Variants in CUL5 observed in about 807,000 individuals in gnomAD.
CUL5 encodes the protein cullin 5.
A neutral mutation model predicts 108.8 loss-of-function variants in CUL5; 26 were observed. The observed-to-expected ratio is 0.24, with a 90% CI of 0.18 to 0.33. CUL5 has a LOEUF of 0.33. CUL5 is among the 10% of genes least tolerant of loss of function. The probability of loss-of-function intolerance (pLI) is 1.00; values close to 1 mark genes in which losing one functional copy is unlikely to be tolerated. For synonymous variants in CUL5, 334 were observed against 298.0 expected (o/e 1.12, Z -1.25); for missense variants, 524 against 909.2 (o/e 0.58, Z 5.45).
chr11:108,012,089 C>T (rs1423821539), intron 1 of CUL5, among the ~76,000 whole-genome samples: 3 of 152,144 alleles, frequency 2.0e-5, no homozygotes, highest in Non-Finnish European at 4.4e-5. Context: ...TCTCTGAAAA[C>T]CTTTCCATGT....
chr11:108,039,144 C>G (rs899461238), intron 2 of CUL5, among the ~76,000 whole-genome samples: 1 of 152,118 alleles, frequency 6.6e-6, no homozygotes, highest in Non-Finnish European at 1.5e-5. Context: ...CTTCAGCCTC[C>G]CAAGTAGCTG....
At chr11:108,086,589 GAA>G (rs1864227454) in intron 11 of CUL5, among the ~76,000 whole-genome samples, 1 of 152,182 alleles carries the variant, frequency 6.6e-6, no homozygotes, top group Non-Finnish European at 1.5e-5. Context: ...AGGGAATACA[GAA>G]AGACTTCCCT....
chr11:108,098,313 T>G, intron 17 of CUL5, 93 bp from the exon 18 acceptor site: 1 of 1,140,984 alleles, frequency 8.8e-7, no homozygotes, highest in East Asian at 2.6e-5. Context: ...TATTTTAGCA[T>G]ATTTTTAAAT....
At chr11:108,085,893 C>T (rs1415355598) in intron 11 of CUL5, among the ~76,000 whole-genome samples, 1 of 151,976 alleles carries the variant, frequency 6.6e-6, no homozygotes, top group East Asian at 1.9e-4. Flanking sequence ...ATTACGCAAC[C>T]CTCTGAATAT....
chr11:108,051,046 G>T (rs1863207172), intron 4 of CUL5, among the ~76,000 whole-genome samples: 1 of 152,090 alleles, frequency 6.6e-6, no homozygotes, highest in Non-Finnish European at 1.5e-5. Context: ...TACTGTGATG[G>T]TTACAGTAAA....
Position 108,022,182 on chromosome 11 carries a change from A to G in CUL5, c.25-11620A>G, listed in dbSNP as rs1862342922. Among the ~76,000 whole-genome samples the G allele has an allele frequency of 3.9e-5, 6 of 152,206 alleles. No homozygotes were observed. The South Asian group carries it at 1.2e-3, about 32-fold the overall frequency. ...AAAATATTGCCATAATATTGTTTCT[A>G]TAATTTGATGTGGTATGTTTTGTCC... On this transcript the variant is annotated intron_variant, in intron 1 of 18. Transcript: ENST00000393094.
chr11:108,076,875 C>T (rs564613950), intron 10 of CUL5, among the ~76,000 whole-genome samples: 64 of 152,214 alleles, frequency 4.2e-4, no homozygotes, highest in African/African-American at 1.5e-3. Context: ...ATGTTCACTG[C>T]GATAGGGAAG....
chr11:108,013,659 C>T (rs193042385), intron 1 of CUL5, among the ~76,000 whole-genome samples: 36 of 152,206 alleles, frequency 2.4e-4, no homozygotes, highest in African/African-American at 3.6e-4. Context: ...AGTATATAAC[C>T]GAACCACAAG....
chr11:108,042,218 C>CTTTTTTTTTTTTTTTTTTTT (rs11440201), intron 2 of CUL5, among the ~76,000 whole-genome samples: 1 of 124,096 alleles, frequency 8.1e-6, no homozygotes, highest in Non-Finnish European at 1.6e-5. Context: ...ATCCACAATT[C>CTTTTTTTTTTTTTTTTTTTT]TTTTTTTTTT....
At chr11:108,069,280 C>CA (rs751412096) in intron 7 of CUL5, among the ~76,000 whole-genome samples, 3 of 151,902 alleles carry the variant, frequency 2.0e-5, no homozygotes, top group Non-Finnish European at 4.4e-5. Flanking sequence ...CTTAAACAAA[C>CA]AAAAAAACCT....
At chr11:108,028,609 CG>C (rs907251227) in intron 1 of CUL5, among the ~76,000 whole-genome samples, 1 of 152,070 alleles carries the variant, frequency 6.6e-6, no homozygotes, top group African/African-American at 2.4e-5. Context: ...GAGGCCGAAG[CG>C]GGCGGATCAC....
At chr11:108,085,498 G>C (rs544123013) in intron 11 of CUL5, among the ~76,000 whole-genome samples, 3 of 152,150 alleles carry the variant, frequency 2.0e-5, no homozygotes, top group Non-Finnish European at 4.4e-5. Context: ...TCTAGAAATA[G>C]ATAGCGGTGA....
chr11:108,013,283 A>G (rs1862097462), intron 1 of CUL5, among the ~76,000 whole-genome samples: 1 of 151,658 alleles, frequency 6.6e-6, no homozygotes, highest in South Asian at 2.1e-4. Context: ...GCCCTTTTCT[A>G]TCTTTGTATA....
At chr11:108,091,379 A>G (rs1166791951) in intron 13 of CUL5, among the ~76,000 whole-genome samples, 1 of 149,100 alleles carries the variant, frequency 6.7e-6, no homozygotes, top group East Asian at 2.0e-4. Context: ...AAAAAAAAAT[A>G]TCAAGACCCA....
chr11:108,038,942 C>T (rs758788901), intron 2 of CUL5, among the ~76,000 whole-genome samples: 11 of 151,710 alleles, frequency 7.3e-5, no homozygotes, highest in Non-Finnish European at 1.6e-4. Context: ...TATTGAAGTA[C>T]TCTTGGTATT....
intron 16 of CUL5, among the ~76,000 whole-genome samples, chr11:108,097,295 C>T (rs954109857): frequency 2.0e-5 from 3 of 152,172 alleles, no homozygotes; most frequent in Non-Finnish European, 2.9e-5. Context: ...GAATTACAGG[C>T]GTGAGCCACT....
At chr11:108,020,456 A>G (rs750079166) in intron 1 of CUL5, among the ~76,000 whole-genome samples, 1 of 152,194 alleles carries the variant, frequency 6.6e-6, no homozygotes, top group Non-Finnish European at 1.5e-5. Flanking sequence ...GAGAATAAAA[A>G]ACCTTTTTTT....
intron 2 of CUL5, among the ~76,000 whole-genome samples, chr11:108,040,777 TCAA>T (rs994426178): frequency 2.0e-5 from 3 of 151,574 alleles, no homozygotes; most frequent in African/African-American, 7.3e-5. Flanking sequence ...AGACCCTGTC[TCAA>T]CAAAAAAAAA....
At position 108,078,239 on chromosome 11, in the gene CUL5, G is replaced by T; in HGVS notation, c.1177G>T (p.Gly393Trp). The change falls in exon 11 of 19, where the codon GGG becomes TGG. Residue 393 changes from glycine to tryptophan, a missense_variant and splice_region_variant. Coordinates refer to ENST00000393094, the MANE Select transcript of CUL5 (RefSeq NM_003478.6). ...ACTTGAATTACCTTTGAAGCAGAAGGGGTAAGTTTTTTAAAACCATACTTT... is the reference window on the plus strand; with the variant it reads ...ACTTGAATTACCTTTGAAGCAGAAGTGGTAAGTTTTTTAAAACCATACTTT... ...FKLELPLKQK[G>W]VGLKTQPESK... 6.4e-7 allele frequency: 1 copy of T among 1,559,066 alleles called. No individual in the cohort carries two copies. Among genetic ancestry groups the T allele is most frequent in the Non-Finnish European group, 8.7e-7 (1 of 1,144,030 alleles).
Sources: gnomAD v4.1 joint callset for allele counts (sites outside exome capture counted in the v4.1 genomes callset) on GRCh38, gnomAD v4.1.1 for gene constraint, MANE v1.5 for transcripts, NCBI Gene and HGNC (gene_info 2026-07-23, HGNC 2026-07-21) for gene names.